ATRX: variants seen among roughly 807,000 people sequenced by gnomAD.
ATRX encodes chromatin remodeler ATRX.
A neutral mutation model predicts 172.6 loss-of-function variants in ATRX; 12 were observed. The observed-to-expected ratio is 0.07, with a 90% CI of 0.04 to 0.11. The LOEUF (loss-of-function observed/expected upper bound fraction) is 0.11, where lower values mean the gene tolerates loss of function less well. ATRX is among the 10% of genes least tolerant of loss of function. ATRX has a pLI of 1.00. For missense variants in ATRX, 1,368 were observed against 1,767.4 expected, an observed-to-expected ratio of 0.77 and a Z score of 4.05; for synonymous variants, 674 against 594.7, an observed-to-expected ratio of 1.13 and a Z score of -1.94.
chrX:77,578,239 G>A (rs2065699277), intron 27 of ATRX, among the ~76,000 whole-genome samples: 1 of 111,609 alleles, frequency 9.0e-6, no homozygotes, highest in Admixed American at 9.5e-5. Flanking sequence ...CACAAGGACT[G>A]CAACTTCTGG....
chrX:77,760,913 C>T (rs1285320093), intron 1 of ATRX, among the ~76,000 whole-genome samples: 1 of 109,511 alleles, frequency 9.1e-6, no homozygotes, highest in Admixed American at 9.7e-5. Flanking sequence ...TACATAGATC[C>T]GTAGCATCTT....
At chrX:77,638,445 C>T (rs1262561953) in intron 15 of ATRX, among the ~76,000 whole-genome samples, 1 of 112,618 alleles carries the variant, frequency 8.9e-6, no homozygotes, top group African/African-American at 3.2e-5. Flanking sequence ...TGCACTCTAG[C>T]CTGGGCGACA....
Position 77,508,236 on chromosome X carries a change from G to T in ATRX, c.*115C>A. ...AAAAGTAAAACTAATATGGAAGATT[G>T]GCATTTAAGGGGACCAAACTATTTA... On this transcript the variant is annotated 3_prime_UTR_variant, in exon 35 of 35. Coordinates refer to ENST00000373344, the MANE Select transcript of ATRX (RefSeq NM_000489.6). The T allele has an allele frequency of 1.1e-6, 1 of 883,338 alleles. No individual in the cohort carries two copies. Among genetic ancestry groups the T allele is most frequent in the Non-Finnish European group, 1.6e-6 (1 of 630,706 alleles). 72.8% of individuals were successfully genotyped at this position (883,338 alleles called of 1,213,427 possible). A position where few individuals can be genotyped will look rare whatever the true frequency, so the allele number is the denominator to read the frequency against.
At chrX:77,778,652 C>T (rs1450051417) in intron 1 of ATRX, among the ~76,000 whole-genome samples, 2 of 102,643 alleles carry the variant, frequency 1.9e-5, no homozygotes, top group African/African-American at 3.6e-5. Flanking sequence ...ACCCGGGAAG[C>T]GGAGGTTGCA....
intron 1 of ATRX, among the ~76,000 whole-genome samples, chrX:77,721,261 C>A (rs1343954337): frequency 9.0e-6 from 1 of 111,490 alleles, no homozygotes; most frequent in Non-Finnish European, 1.9e-5. Context: ...CTTTGAAACC[C>A]GGTACAAGAC....
intron 22 of ATRX, among the ~76,000 whole-genome samples, chrX:77,608,202 T>C (rs1420472475): frequency 1.8e-5 from 2 of 109,078 alleles, no homozygotes; most frequent in East Asian, 2.9e-4. Context: ...ACCCCGCCTC[T>C]ACTAAAAATA....
chrX:77,643,676 C>T (rs781787925), intron 15 of ATRX, among the ~76,000 whole-genome samples: 1 of 111,427 alleles, frequency 9.0e-6, no homozygotes, highest in South Asian at 3.8e-4. Flanking sequence ...CCTCAGCCTC[C>T]AGAGTTGCTG....
In ATRX at chrX:77,725,551, C is replaced by A. The variant is rs1603278684; in HGVS notation, c.21-8308G>T. Among the ~76,000 whole-genome samples, 12 of 111,787 alleles carry A rather than the reference C, an allele frequency of 1.1e-4. No individual in the cohort carries two copies. The South Asian group carries it at 4.1e-3, about 39-fold the overall frequency. On this transcript the variant is annotated intron_variant, in intron 1 of 34. Transcript: ENST00000373344. ...AAAACCTAGGCAATACCATTCAGGA[C>A]ATAGGCATGGGCAAGGACTTCATGT...
Position 77,521,445 on chromosome X carries a change from T to G in ATRX, c.7029A>C (p.Thr2343=), listed in dbSNP as rs1557041353. ...EKVVEATNSV[T]AVRIQPLEDI... ...CCTCAAGAGGTTGAATCCTCACTGC[T>G]GTCACACTGTTTGTTGCTTCTACAA... Residue 2343 remains threonine (T), a synonymous_variant, in exon 33 of 35, where the codon ACA becomes ACC. Coordinates refer to ENST00000373344, the MANE Select transcript of ATRX (RefSeq NM_000489.6). The G allele has an allele frequency of 8.3e-7, 1 of 1,210,431 alleles. No homozygotes were observed.
intron 15 of ATRX, among the ~76,000 whole-genome samples, chrX:77,644,235 C>T (rs1291135990): frequency 8.9e-6 from 1 of 112,932 alleles, no homozygotes; most frequent in African/African-American, 3.2e-5. Flanking sequence ...AGCCACCACA[C>T]CCAGCAGACG....
chrX:77,518,201 A>G (rs1179690233), intron 34 of ATRX, among the ~76,000 whole-genome samples: 1 of 112,268 alleles, frequency 8.9e-6, no homozygotes, highest in African/African-American at 3.2e-5. Context: ...AATAAAGGGC[A>G]TCCCAGTTGG....
At chrX:77,751,493 T>G (rs936533787) in intron 1 of ATRX, among the ~76,000 whole-genome samples, 2 of 112,237 alleles carry the variant, frequency 1.8e-5, no homozygotes. Flanking sequence ...CAATGATAGT[T>G]TTTTTGCTGT....
intron 2 of ATRX, among the ~76,000 whole-genome samples, chrX:77,700,508 TACATCC>T (rs1178559035): frequency 5.3e-4 from 60 of 112,462 alleles, no homozygotes; most frequent in Admixed American, 7.6e-4. Context: ...GCTGAAAACA[TACATCC>T]ACAAAATAAC....
At chrX:77,555,985 C>A (rs2064764179) in intron 30 of ATRX, among the ~76,000 whole-genome samples, 1 of 107,522 alleles carries the variant, frequency 9.3e-6, no homozygotes, top group Admixed American at 1.0e-4. Flanking sequence ...CCAACCTGGC[C>A]AACATAGTAA....
At chrX:77,662,155 C>T (rs1557123050) in intron 12 of ATRX, among the ~76,000 whole-genome samples, 2 of 111,674 alleles carry the variant, frequency 1.8e-5, no homozygotes, top group African/African-American at 3.3e-5. Context: ...TTACGTTACA[C>T]AAAATGTCCC....
At chrX:77,673,353 G>A (rs1466611768) in intron 10 of ATRX, among the ~76,000 whole-genome samples, 1 of 110,971 alleles carries the variant, frequency 9.0e-6, no homozygotes, top group Admixed American at 9.7e-5. Flanking sequence ...TTAAAATTAC[G>A]TGTATAAATG....
chrX:77,650,023 T>C (rs1437283346), intron 15 of ATRX, among the ~76,000 whole-genome samples: 1 of 112,376 alleles, frequency 8.9e-6, no homozygotes, highest in African/African-American at 3.2e-5. Flanking sequence ...GTACACTATA[T>C]TCATGTAACA....
chrX:77,712,089 G>A (rs1331328964), intron 2 of ATRX, among the ~76,000 whole-genome samples: 1 of 111,655 alleles, frequency 9.0e-6, no homozygotes, highest in Admixed American at 9.6e-5. Context: ...AGCTGCTGTG[G>A]TCTCCCTAAA....
In ATRX at chrX:77,683,818, T is replaced by C. The variant is rs587780284; in HGVS notation, c.1438A>G (p.Thr480Ala). ...DSEHMHQNVP[T>A]EEQRTNKSTG... ...CTTTTATTTGTTCTTTGTTCCTCTG[T>C]TGGAACATTCTGATGCATGTGCTCA... is the stretch of plus-strand genomic sequence containing the variant. The change falls in exon 9 of 35, where the codon ACA (threonine) becomes GCA (alanine). Residue 480 changes from threonine (T) to alanine (A), a missense_variant. Around this residue, in one of 17 missense-constraint regions of ATRX, gnomAD observed 843 missense variants for 643.1 expected, o/e 1.31. Transcript: ENST00000373344. The C allele has an allele frequency of 9.0e-5, 109 of 1,207,833 alleles. No individual in the cohort carries two copies. Among genetic ancestry groups the C allele is most frequent in the Non-Finnish European group, 1.2e-4 (106 of 893,053 alleles).
Sources: allele counts gnomAD v4.1 joint callset (sites outside exome capture counted in the v4.1 genomes callset), GRCh38; gene constraint gnomAD v4.1.1; regional missense constraint gnomAD v4.1.1; transcripts MANE v1.5; gene names NCBI Gene and HGNC (gene_info 2026-07-23, HGNC 2026-07-21).